RALGAPA2: variants seen among roughly 807,000 people sequenced by gnomAD.
The protein encoded by RALGAPA2 is ral GTPase-activating protein subunit alpha-2.
In RALGAPA2, 139 loss-of-function variants were observed where a neutral mutation model predicts 230.4. The observed-to-expected ratio is 0.60, with a 90% CI of 0.53 to 0.69. The LOEUF (loss-of-function observed/expected upper bound fraction) is 0.69, where lower values mean the gene tolerates loss of function less well. Ranked by LOEUF, RALGAPA2 falls within the 30% of genes least tolerant of loss-of-function variation. The pLI, the probability that RALGAPA2 is intolerant of heterozygous loss-of-function variation, is 0.00. For missense variants in RALGAPA2, 2,163 were observed against 2,276.0 expected, an observed-to-expected ratio of 0.95 and a Z score of 1.01; for synonymous variants, 847 against 837.8, an observed-to-expected ratio of 1.01 and a Z score of -0.19.
intron 38 of RALGAPA2, among the ~76,000 whole-genome samples, chr20:20,410,919 C>T (rs2122759755): frequency 6.6e-6 from 1 of 152,280 alleles, no homozygotes; most frequent in South Asian, 2.1e-4. Flanking sequence ...CTCCTGGCTC[C>T]CTGCGCAAGT....
Position 20,512,936 on chromosome 20 carries a change from T to C in RALGAPA2, c.4433A>G (p.Tyr1478Cys). The C allele has an allele frequency of 1.2e-6, 2 of 1,613,704 alleles. No homozygotes were observed. Among genetic ancestry groups the C allele is most frequent in the South Asian group, 1.1e-5 (1 of 91,068 alleles). The stretch of plus-strand genomic sequence containing the variant: ...TGCTAAGCAGCCTTCCAAAGGTCCA[T>C]ATAAAACCTTACCATCCCAAGAGTA... ...GKYSWDGKVL[Y>C]GPLEGCLAPN... The change falls in exon 32 of 40, where the codon TAT becomes TGT. Residue 1478 changes from tyrosine to cysteine, a missense_variant. Transcript: ENST00000202677.
intron 3 of RALGAPA2, among the ~76,000 whole-genome samples, 185 bp from the exon 4 acceptor site, chr20:20,653,772 T>C (rs532663643): frequency 6.6e-6 from 1 of 152,308 alleles, no homozygotes; most frequent in African/African-American, 2.4e-5. Context: ...CAGGCAAGCT[T>C]TCTTACCTGA....
At chr20:20,681,537 G>A (rs2068521262) in intron 1 of RALGAPA2, among the ~76,000 whole-genome samples, 1 of 152,142 alleles carries the variant, frequency 6.6e-6, no homozygotes, top group African/African-American at 2.4e-5. Context: ...GATCAGCCAG[G>A]GTAAAACCTC....
intron 37 of RALGAPA2, among the ~76,000 whole-genome samples, chr20:20,440,769 C>G (rs978248528): frequency 6.6e-6 from 1 of 152,250 alleles, no homozygotes; most frequent in African/African-American, 2.4e-5. Flanking sequence ...AACCTCACTG[C>G]CAGGTGGTCG....
In RALGAPA2 at chr20:20,392,977, G is replaced by T; in HGVS notation, c.*312C>A. 9.8e-7 allele frequency: 1 copy of T among 1,016,662 alleles called. No homozygotes were observed. The highest frequency in any genetic ancestry group is 1.6e-5 in the South Asian group (1 of 64,316). The allele number at this position is 1,016,662 out of a possible 1,614,324, so 63.0% of individuals were successfully genotyped here. ...AGTGGGTTCATCTCTGGTTTTTGGT[G>T]ACTTTTTCTTTTCTTCTTTGGAAGT... On this transcript the variant is annotated 3_prime_UTR_variant, in exon 40 of 40. Transcript: ENST00000202677.
chr20:20,485,390 T>C (rs2061886062), intron 36 of RALGAPA2, among the ~76,000 whole-genome samples: 1 of 152,256 alleles, frequency 6.6e-6, no homozygotes. Context: ...GGGTCTCCTG[T>C]AGACAACATA....
rs143260006 is a variant in RALGAPA2 at position 20,648,536 on chromosome 20, ATT to A, written c.329-4989_329-4988del. 1.0e-4 allele frequency among the ~76,000 whole-genome samples: 15 copies of A among 150,358 alleles called. 1 individual carries two copies. The highest frequency in any genetic ancestry group is 3.7e-4 in the African/African-American group (15 of 40,934). ...AAATTGTTAACCACCCCCCATAAAT[ATT>A]TTTTTTTTAATATAAGAAAAAAAGA... On this transcript the variant is annotated intron_variant, in intron 4 of 39. Transcript: ENST00000202677.
At chr20:20,595,781 A>C (rs932134514) in intron 16 of RALGAPA2, among the ~76,000 whole-genome samples, 1 of 152,020 alleles carries the variant, frequency 6.6e-6, no homozygotes, top group Non-Finnish European at 1.5e-5. Flanking sequence ...GTGAAACCCT[A>C]TCTCTACTAA....
intron 13 of RALGAPA2, among the ~76,000 whole-genome samples, chr20:20,614,723 G>C (rs2066080523): frequency 1.3e-5 from 2 of 152,200 alleles, no homozygotes; most frequent in Non-Finnish European, 2.9e-5. Flanking sequence ...TGAAGAACAA[G>C]AATTGGACTT....
intron 37 of RALGAPA2, among the ~76,000 whole-genome samples, chr20:20,467,050 C>T (rs6046882): frequency 3.6e-4 from 54 of 152,100 alleles, no homozygotes; most frequent in Non-Finnish European, 6.5e-4. Context: ...GACTGGAAGA[C>T]GGGTTAACAG....
intron 36 of RALGAPA2, among the ~76,000 whole-genome samples, chr20:20,489,714 A>C (rs1200550975): frequency 6.6e-6 from 1 of 152,186 alleles, no homozygotes; most frequent in Non-Finnish European, 1.5e-5. Flanking sequence ...TGTGCTCTGG[A>C]CACCCATCCT....
intron 3 of RALGAPA2, among the ~76,000 whole-genome samples, chr20:20,664,217 C>T (rs900333111): frequency 4.6e-5 from 7 of 152,082 alleles, no homozygotes; most frequent in Admixed American, 6.6e-5. Context: ...GGGGGACTAC[C>T]GTATTAAGTA....
At chr20:20,669,177 A>T (rs149674916) in intron 3 of RALGAPA2, among the ~76,000 whole-genome samples, 34 of 152,288 alleles carry the variant, frequency 2.2e-4, no homozygotes, top group Non-Finnish European at 4.3e-4. Flanking sequence ...TTTTAATTGG[A>T]GTGTGGGAGG....
rs1232720174 is a variant in RALGAPA2, at chr20:20,536,789, A to G, written c.3286-5T>C. On this transcript the variant is annotated splice_polypyrimidine_tract_variant and splice_region_variant and intron_variant, in intron 24 of 39. Coordinates refer to ENST00000202677, the MANE Select transcript of RALGAPA2 (RefSeq NM_020343.4). ...GACAGCCTCTGAACGAGGCGCCTGCACATAAGGAAGAGGAGCACACACATT... is the reference window on the plus strand; with the variant it reads ...GACAGCCTCTGAACGAGGCGCCTGCGCATAAGGAAGAGGAGCACACACATT... 3 of 1,610,568 alleles carry G rather than the reference A, an allele frequency of 1.9e-6. No homozygotes were observed. In the Admixed American group the frequency reaches 5.0e-5, roughly 27 times the overall value.
intron 1 of RALGAPA2, among the ~76,000 whole-genome samples, chr20:20,692,544 A>G (rs2068950405): frequency 6.6e-6 from 1 of 152,174 alleles, no homozygotes; most frequent in South Asian, 2.1e-4. Context: ...GCAGCCCCAG[A>G]GGGAGGACCT....
At chr20:20,454,753 G>A (rs1419916258) in intron 37 of RALGAPA2, among the ~76,000 whole-genome samples, 2 of 152,154 alleles carry the variant, frequency 1.3e-5, no homozygotes, top group African/African-American at 2.4e-5. Flanking sequence ...ATTCAAAGAC[G>A]GTAGTGACAT....
intron 37 of RALGAPA2, among the ~76,000 whole-genome samples, chr20:20,457,818 G>A (rs2061157313): frequency 6.6e-6 from 1 of 152,258 alleles, no homozygotes. Context: ...GGCAGCCCAG[G>A]CAGTGCTGGG....
intron 16 of RALGAPA2, among the ~76,000 whole-genome samples, chr20:20,592,501 A>G (rs1179646549): frequency 1.3e-5 from 2 of 152,216 alleles, no homozygotes; most frequent in African/African-American, 4.8e-5. Flanking sequence ...CTGGCCCTGC[A>G]TGCAAGCCCC....
intron 1 of RALGAPA2, among the ~76,000 whole-genome samples, chr20:20,686,571 C>G (rs1369708843): frequency 6.6e-6 from 1 of 151,468 alleles, no homozygotes; most frequent in Non-Finnish European, 1.5e-5. Flanking sequence ...ATGGTTCTTA[C>G]ATCACACGGC....
Sources: allele counts gnomAD v4.1 joint callset (sites outside exome capture counted in the v4.1 genomes callset), GRCh38; gene constraint gnomAD v4.1.1; transcripts MANE v1.5; gene names NCBI Gene and HGNC (gene_info 2026-07-23, HGNC 2026-07-21).